Variants in ARHGAP26 observed in about 807,000 individuals in gnomAD.
ARHGAP26 encodes rho GTPase-activating protein 26.
A neutral mutation model predicts 104.8 loss-of-function variants in ARHGAP26; 38 were observed. The observed-to-expected ratio is 0.36, with a 90% CI of 0.28 to 0.48. ARHGAP26 has a LOEUF of 0.48. ARHGAP26 is among the 20% of genes least tolerant of loss of function. ARHGAP26 has a pLI of 0.99. For synonymous variants in ARHGAP26, 341 were observed against 340.0 expected (o/e 1.00, Z -0.03); for missense variants, 704 against 947.9 (o/e 0.74, Z 3.38).
intron 1 of ARHGAP26, chr5:142,868,808 T>A (rs947321172): frequency 2.0e-5 from 3 of 152,438 alleles, no homozygotes; most frequent in Middle Eastern, 6.8e-3. Context: ...ACCTGAAGTC[T>A]CTCTGGGGCT....
At chr5:142,991,649 TGTTTAGATAC>T (rs1371725252) in intron 11 of ARHGAP26, among the ~76,000 whole-genome samples, 1 of 152,154 alleles carries the variant, frequency 6.6e-6, no homozygotes, top group African/African-American at 2.4e-5. Flanking sequence ...TGTTTAGATA[TGTTTAGATAC>T]AGAAATACTA....
At chr5:143,058,645 A>T (rs1429483408) in intron 17 of ARHGAP26, among the ~76,000 whole-genome samples, 1 of 152,266 alleles carries the variant, frequency 6.6e-6, no homozygotes, top group African/African-American at 2.4e-5. Context: ...TGGCCCTTAT[A>T]GTCCATACTT....
chr5:142,915,802 G>GT (rs998006699), intron 10 of ARHGAP26: 10 of 151,846 alleles, frequency 6.6e-5, no homozygotes, highest in East Asian at 1.9e-4. Context: ...GTGCCTTTCT[G>GT]TTTTTTTTCC....
chr5:143,102,069 CTA>C (rs1180925579), intron 17 of ARHGAP26, among the ~76,000 whole-genome samples: 1 of 152,042 alleles, frequency 6.6e-6, no homozygotes, highest in Non-Finnish European at 1.5e-5. Context: ...TGATTCAAAA[CTA>C]TGTGGTAAGT....
chr5:143,039,313 T>C (rs974234136), intron 13 of ARHGAP26, among the ~76,000 whole-genome samples: 2 of 151,186 alleles, frequency 1.3e-5, no homozygotes, highest in African/African-American at 4.9e-5. Flanking sequence ...GTTCAAGCGA[T>C]TCTCCTACCT....
Position 143,025,533 on chromosome 5 carries a change from G to A in ARHGAP26, c.1144+11417G>A, listed in dbSNP as rs188898363. ...AAACCACCGGGCCTTAAGGCAGAAGGGAATTGAGGCCACTGTGTAATTCAT... is the reference window on the plus strand; with the variant it reads ...AAACCACCGGGCCTTAAGGCAGAAGAGAATTGAGGCCACTGTGTAATTCAT... On this transcript the variant is annotated intron_variant, in intron 12 of 22. Transcript: ENST00000645722. Among the ~76,000 whole-genome samples the A allele has an allele frequency of 1.1e-4, 16 of 152,282 alleles. 1 individual carries two copies. The highest frequency in any genetic ancestry group is 2.6e-4 in the Admixed American group (4 of 15,296).
chr5:143,134,314 G>A (rs1390858482), intron 19 of ARHGAP26, among the ~76,000 whole-genome samples: 3 of 152,242 alleles, frequency 2.0e-5, no homozygotes, highest in Middle Eastern at 3.2e-3. Context: ...GAGAAGGGCT[G>A]CCATTGAGGA....
Position 143,228,167 on chromosome 5 carries a change from C to A in ARHGAP26, c.*5721C>A. On this transcript the variant is annotated 3_prime_UTR_variant, in exon 23 of 23. Transcript: ENST00000645722. ...TGTCCAGACACCTAAAAGCAGCTTT[C>A]TTGGTTATCCAGATGCCAGAATCAA... 1 of 226,064 alleles carries A rather than the reference C, an allele frequency of 4.4e-6. No individual in the cohort carries two copies. Among genetic ancestry groups the A allele is most frequent in the East Asian group, 6.4e-5 (1 of 15,620 alleles). The allele number at this position is 226,064 out of a possible 1,614,324, so 14.0% of individuals were successfully genotyped here.
chr5:142,882,284 G>C (rs777328303), intron 4 of ARHGAP26, among the ~76,000 whole-genome samples: 1 of 152,220 alleles, frequency 6.6e-6, no homozygotes, highest in Non-Finnish European at 1.5e-5. Context: ...TTATGAAGAA[G>C]AAGTGAGTGA....
chr5:143,067,919 T>C (rs942194502), intron 17 of ARHGAP26, among the ~76,000 whole-genome samples: 2 of 152,190 alleles, frequency 1.3e-5, no homozygotes, highest in African/African-American at 4.8e-5. Context: ...ATTCCAGCAC[T>C]TGGGGAGGCC....
intron 1 of ARHGAP26, among the ~76,000 whole-genome samples, chr5:142,851,107 T>C (rs2152262996): frequency 6.6e-6 from 1 of 152,170 alleles, no homozygotes; most frequent in Middle Eastern, 3.4e-3. Context: ...TTTTTTTTTT[T>C]TTTTTCCTGA....
At chr5:143,162,789 CAG>C (rs1473514965) in intron 20 of ARHGAP26, among the ~76,000 whole-genome samples, 2 of 152,198 alleles carry the variant, frequency 1.3e-5, no homozygotes, top group African/African-American at 2.4e-5. Flanking sequence ...CCAGCTCTGA[CAG>C]ACAGTCCCTT....
intron 11 of ARHGAP26, among the ~76,000 whole-genome samples, chr5:142,952,153 C>T (rs1159388065): frequency 2.0e-5 from 3 of 152,186 alleles, no homozygotes; most frequent in Non-Finnish European, 4.4e-5. Flanking sequence ...CCTCCAGATC[C>T]TTAATTACAC....
chr5:143,079,273 T>C (rs1446804438), intron 17 of ARHGAP26, among the ~76,000 whole-genome samples: 1 of 152,234 alleles, frequency 6.6e-6, no homozygotes, highest in Non-Finnish European at 1.5e-5. Context: ...ACATTATTTT[T>C]CTCAGACATC....
chr5:142,840,123 T>C (rs548582504), intron 1 of ARHGAP26, among the ~76,000 whole-genome samples: 1 of 152,186 alleles, frequency 6.6e-6, no homozygotes, highest in Non-Finnish European at 1.5e-5. Context: ...ATATAGAATC[T>C]GCCACACGTT....
intron 1 of ARHGAP26, among the ~76,000 whole-genome samples, chr5:142,846,246 AT>A (rs1456799192): frequency 6.6e-6 from 1 of 152,144 alleles, no homozygotes; most frequent in Non-Finnish European, 1.5e-5. Context: ...TTCTGGTATT[AT>A]CTCACGGGCC....
At chr5:143,054,604 C>A in intron 15 of ARHGAP26, 78 bp downstream of exon 15, 1 of 1,027,702 alleles carries the variant, frequency 9.7e-7, no homozygotes, top group Non-Finnish European at 1.5e-6. Context: ...TATTTTCAGA[C>A]TCCGGAGAGC....
At chr5:142,990,128 C>T (rs899071497) in intron 11 of ARHGAP26, among the ~76,000 whole-genome samples, 4 of 152,186 alleles carry the variant, frequency 2.6e-5, no homozygotes, top group African/African-American at 7.2e-5. Context: ...CATAGTCCCA[C>T]ATTTCTTGGA....
At chr5:142,795,175 C>T (rs1760735665) in intron 1 of ARHGAP26, among the ~76,000 whole-genome samples, 1 of 151,642 alleles carries the variant, frequency 6.6e-6, no homozygotes, top group Admixed American at 6.6e-5. Flanking sequence ...GTCAGATAGA[C>T]CTGGGTTCCA....
Sources: allele counts gnomAD v4.1 joint callset (sites outside exome capture counted in the v4.1 genomes callset), GRCh38; gene constraint gnomAD v4.1.1; transcripts MANE v1.5; gene names NCBI Gene and HGNC (gene_info 2026-07-23, HGNC 2026-07-21).